The following FRK variants were observed in gnomAD, a reference collection of about 807,000 sequenced individuals.
FRK encodes tyrosine-protein kinase FRK.
In FRK, 51 loss-of-function variants were observed where a neutral mutation model predicts 56.4. The observed-to-expected ratio is 0.90, with a 90% CI of 0.72 to 1.14. FRK has a LOEUF of 1.14. Among genes scored for constraint, FRK ranks in the 50% most tolerant of loss-of-function variants. The probability of loss-of-function intolerance (pLI) is 0.00; values close to 1 mark genes in which losing one functional copy is unlikely to be tolerated. For missense variants in FRK, 570 were observed against 601.4 expected (o/e 0.95, Z 0.55); for synonymous variants, 245 against 217.9 (o/e 1.12, Z -1.10).
At chr6:116,011,708 T>C (rs1775477950) in intron 1 of FRK, among the ~76,000 whole-genome samples, 1 of 152,234 alleles carries the variant, frequency 6.6e-6, no homozygotes, top group East Asian at 1.9e-4. Context: ...ACACCTTCAA[T>C]TTGCAGGGCA....
chr6:116,072,283 T>A, the FRK span, among the ~76,000 whole-genome samples: 1 of 152,190 alleles, frequency 6.6e-6, no homozygotes, highest in Non-Finnish European at 1.5e-5. Flanking sequence ...CTTAAATAAA[T>A]ATATGTTGAG....
In FRK at chr6:116,060,170, C is replaced by A; in HGVS notation, c.142G>T (p.Val48Leu). Residue 48 changes from valine to leucine, a missense_variant, in exon 1 of 8, where the codon GTG becomes TTG. Coordinates refer to ENST00000606080, the MANE Select transcript of FRK (RefSeq NM_002031.3). Reference protein sequence around the residue: ...PQSQRHGHYFVALFDYQARTA... With the variant: ...PQSQRHGHYFLALFDYQARTA... ...CGAGCCTGGTAATCAAACAAAGCCACAAAGTAGTGGCCATGCCTCTGTGAC... is the reference window on the plus strand; with the variant it reads ...CGAGCCTGGTAATCAAACAAAGCCAAAAAGTAGTGGCCATGCCTCTGTGAC... The A allele has an allele frequency of 6.2e-7, 1 of 1,614,192 alleles. No individual in the cohort carries two copies. The highest frequency in any genetic ancestry group is 8.5e-7 in the Non-Finnish European group (1 of 1,180,036).
chr6:116,058,876 A>T (rs1363589636), intron 1 of FRK, among the ~76,000 whole-genome samples: 2 of 142,848 alleles, frequency 1.4e-5, no homozygotes, highest in South Asian at 4.4e-4. Flanking sequence ...GCGCCACTGC[A>T]CTCCAGCCTG....
chr6:115,951,912 A>G (rs1042760227), intron 5 of FRK, among the ~76,000 whole-genome samples: 3 of 152,178 alleles, frequency 2.0e-5, no homozygotes, highest in African/African-American at 4.8e-5. Flanking sequence ...AATATTTTCA[A>G]TTATATTCCA....
chr6:116,014,017 C>G (rs1775561373), intron 1 of FRK, among the ~76,000 whole-genome samples: 1 of 152,130 alleles, frequency 6.6e-6, no homozygotes. Flanking sequence ...AAACTAGAGG[C>G]TTATGTCTAA....
At chr6:116,002,230 C>T (rs1197023720) in intron 2 of FRK, among the ~76,000 whole-genome samples, 1 of 152,126 alleles carries the variant, frequency 6.6e-6, no homozygotes, top group African/African-American at 2.4e-5. Flanking sequence ...GTGTGAAGTC[C>T]CAGCCTGGTG....
chr6:115,967,175 A>G (rs1201131280), intron 4 of FRK, among the ~76,000 whole-genome samples: 1 of 152,194 alleles, frequency 6.6e-6, no homozygotes, highest in African/African-American at 2.4e-5. Flanking sequence ...ACTTTTAAAA[A>G]TAGTTGTTCC....
the FRK span, among the ~76,000 whole-genome samples, chr6:116,074,757 A>G: frequency 6.6e-6 from 1 of 152,106 alleles, no homozygotes; most frequent in African/African-American, 2.4e-5. Context: ...CAGCCAACCT[A>G]CATCACAGCC....
At chr6:116,100,499 T>C in the FRK span, among the ~76,000 whole-genome samples, 1 of 152,206 alleles carries the variant, frequency 6.6e-6, no homozygotes, top group Non-Finnish European at 1.5e-5. Flanking sequence ...AACCTCATGA[T>C]CTCCTGGTTT....
At chr6:115,948,836 G>A (rs4946129) in intron 5 of FRK, among the ~76,000 whole-genome samples, 6,169 of 152,230 alleles carry the variant, frequency 0.041, 335 homozygotes, top group Admixed American at 0.15. Context: ...ACAGATTGAT[G>A]TTAGGAAGAT....
chr6:116,038,812 G>A (rs1373637145), intron 1 of FRK: 18 of 502,772 alleles, frequency 3.6e-5, no homozygotes, highest in South Asian at 2.4e-4. Context: ...GACGGAAGAA[G>A]AGCCTGGGGG....
At chr6:115,960,085 C>A (rs551676052) in intron 4 of FRK, among the ~76,000 whole-genome samples, 2 of 152,094 alleles carry the variant, frequency 1.3e-5, no homozygotes, top group Admixed American at 6.5e-5. Flanking sequence ...CAGCTCCCAG[C>A]GTGAGCGACG....
chr6:116,089,224 T>C, the FRK span, among the ~76,000 whole-genome samples: 1 of 152,222 alleles, frequency 6.6e-6, no homozygotes, highest in African/African-American at 2.4e-5. Context: ...TCTTTGTTTA[T>C]AGATTTTGCT....
At chr6:115,943,834 A>T (rs1772305762) in intron 6 of FRK, among the ~76,000 whole-genome samples, 1 of 152,164 alleles carries the variant, frequency 6.6e-6, no homozygotes, top group Non-Finnish European at 1.5e-5. Flanking sequence ...AAATGGGGAA[A>T]TCAAAAAGCC....
chr6:115,947,548 T>A (rs1192515916), intron 5 of FRK, among the ~76,000 whole-genome samples: 1 of 152,118 alleles, frequency 6.6e-6, no homozygotes, highest in Non-Finnish European at 1.5e-5. Context: ...ACGATGAACA[T>A]CACTTACAAG....
intron 1 of FRK, among the ~76,000 whole-genome samples, chr6:116,044,768 CA>C (rs1776870106): frequency 6.6e-6 from 1 of 152,122 alleles, no homozygotes. Context: ...AAAGAGTATT[CA>C]AATAGGAAGA....
At chr6:116,036,869 C>A (rs1776504083) in intron 1 of FRK, among the ~76,000 whole-genome samples, 1 of 152,080 alleles carries the variant, frequency 6.6e-6, no homozygotes, top group Non-Finnish European at 1.5e-5. Context: ...ACATATGAAC[C>A]TTCTCTAATC....
At chr6:116,002,837 C>A in intron 2 of FRK, 1 of 383,412 alleles carries the variant, frequency 2.6e-6, no homozygotes, top group Non-Finnish European at 5.4e-6. Flanking sequence ...CAGCTCCAAC[C>A]CATCTGCCCT....
chr6:116,059,979 T>G lies in FRK; in HGVS notation c.333A>C (p.Leu111=). 1 of 1,613,780 alleles carries G rather than the reference T, an allele frequency of 6.2e-7. No individual in the cohort carries two copies. The highest frequency in any genetic ancestry group is 1.1e-5 in the South Asian group (1 of 91,072). ...PSNYVAEDRS[L]QAEPWFFGAI... is the part of the protein sequence containing the mutation. ...TTTGTACTACTCACGGCTCTGCCTGTAGGCTTCTGTCCTCAGCCACGTAGT... is the reference window on the plus strand; with the variant it reads ...TTTGTACTACTCACGGCTCTGCCTGGAGGCTTCTGTCCTCAGCCACGTAGT... The change falls in exon 1 of 8, where the codon CTA becomes CTC. Residue 111 remains leucine (L), a synonymous_variant. Coordinates refer to ENST00000606080, the MANE Select transcript of FRK (RefSeq NM_002031.3).
Sources: allele counts gnomAD v4.1 joint callset (sites outside exome capture counted in the v4.1 genomes callset), GRCh38; gene constraint gnomAD v4.1.1; transcripts MANE v1.5; gene names NCBI Gene and HGNC (gene_info 2026-07-23, HGNC 2026-07-21).